LYPD6: variants seen among roughly 807,000 people sequenced by gnomAD.
LYPD6 encodes the protein ly6/PLAUR domain-containing protein 6.
LYPD6 carries 15 observed loss-of-function variants against 22.7 expected under a neutral mutation model. The ratio of observed to expected loss-of-function variants is 0.66; its 90% CI spans 0.44 to 1.02. The LOEUF (loss-of-function observed/expected upper bound fraction) is 1.02, where lower values mean the gene tolerates loss of function less well. Among genes scored for constraint, LYPD6 ranks in the 50% least tolerant of loss-of-function variants. The pLI, the probability that LYPD6 is intolerant of heterozygous loss-of-function variation, is 0.00. For synonymous variants in LYPD6, 72 were observed against 77.5 expected (o/e 0.93, Z 0.37); for missense variants, 189 against 208.4 (o/e 0.91, Z 0.57).
intron 2 of LYPD6, among the ~76,000 whole-genome samples, chr2:149,442,430 G>A (rs1046435139): frequency 7.2e-5 from 11 of 152,076 alleles, no homozygotes; most frequent in Non-Finnish European, 1.0e-4. Context: ...GCACTTTGGC[G>A]TTTCTTTTTT....
chr2:149,462,229 G>A (rs936968620), intron 3 of LYPD6, among the ~76,000 whole-genome samples: 2 of 151,892 alleles, frequency 1.3e-5, no homozygotes, highest in African/African-American at 4.8e-5. Flanking sequence ...ACTCAATTGT[G>A]TTTATGCTAT....
chr2:149,430,763 A>G (rs1294181492), intron 1 of LYPD6, among the ~76,000 whole-genome samples: 1 of 152,218 alleles, frequency 6.6e-6, no homozygotes, highest in African/African-American at 2.4e-5. Context: ...TTCTTAAGAT[A>G]GCTTCCAAAG....
chr2:149,459,849 C>T (rs1272500672), intron 3 of LYPD6, among the ~76,000 whole-genome samples: 1 of 151,256 alleles, frequency 6.6e-6, no homozygotes, highest in African/African-American at 2.4e-5. Context: ...TTACAGTGAG[C>T]CAAGATCACA....
chr2:149,423,051 A>G (rs1683114113), intron 1 of LYPD6, among the ~76,000 whole-genome samples: 1 of 152,148 alleles, frequency 6.6e-6, no homozygotes, highest in African/African-American at 2.4e-5. Flanking sequence ...TCTTTATAAA[A>G]TGTAATGGAT....
intron 1 of LYPD6, among the ~76,000 whole-genome samples, chr2:149,398,033 C>G (rs1201975823): frequency 6.6e-6 from 1 of 152,138 alleles, no homozygotes; most frequent in Non-Finnish European, 1.5e-5. Flanking sequence ...AAAGAGGGAA[C>G]ACGGTAAGAT....
At chr2:149,477,963 T>C (rs978053705), downstream of LYPD6, among the ~76,000 whole-genome samples, 10 of 152,174 alleles carry the variant, frequency 6.6e-5, no homozygotes, top group African/African-American at 2.2e-4. Flanking sequence ...AACTTGCCAA[T>C]AGACCTGTCC....
At chr2:149,441,799 T>C (rs1460391753) in intron 2 of LYPD6, among the ~76,000 whole-genome samples, 3 of 152,208 alleles carry the variant, frequency 2.0e-5, no homozygotes, top group South Asian at 4.1e-4. Flanking sequence ...GAGTTTAATA[T>C]ACTAAGTGGC....
intron 1 of LYPD6, among the ~76,000 whole-genome samples, chr2:149,403,632 GCCCTTTGTCAGAT>G (rs1682617358): frequency 6.7e-6 from 1 of 149,500 alleles, no homozygotes; most frequent in Admixed American, 6.7e-5. Context: ...CTGGATATTA[GCCCTTTGTCAGAT>G]GAGTAGGTTG....
intron 1 of LYPD6, among the ~76,000 whole-genome samples, chr2:149,393,854 A>G (rs1368542745): frequency 6.6e-6 from 1 of 152,178 alleles, no homozygotes; most frequent in East Asian, 1.9e-4. Context: ...ATTACCATCT[A>G]TTAGCTTTGA....
chr2:149,411,677 A>AATTAAGC (rs1411153092), intron 1 of LYPD6, among the ~76,000 whole-genome samples: 2 of 152,190 alleles, frequency 1.3e-5, no homozygotes, highest in Non-Finnish European at 2.9e-5. Flanking sequence ...GCTAGCATGG[A>AATTAAGC]ATTAAGCATA....
intron 2 of LYPD6, among the ~76,000 whole-genome samples, chr2:149,443,702 G>GT (rs1683617941): frequency 6.6e-6 from 1 of 151,890 alleles, no homozygotes; most frequent in South Asian, 2.1e-4. Context: ...TGGCTTTGGC[G>GT]TTTGAGAACC....
chr2:149,373,446 G>A (rs925623560), intron 1 of LYPD6, among the ~76,000 whole-genome samples: 3 of 152,156 alleles, frequency 2.0e-5, no homozygotes, highest in African/African-American at 4.8e-5. Context: ...TTCCAGGACT[G>A]TGTCCTGAGA....
At chr2:149,373,694 T>C (rs1196715) in intron 1 of LYPD6, among the ~76,000 whole-genome samples, 1 of 151,988 alleles carries the variant, frequency 6.6e-6, no homozygotes, top group African/African-American at 2.4e-5. Context: ...CTCAGCAAGA[T>C]TGGCTTATTT....
chr2:149,336,411 A>G (rs1444225503), intron 1 of LYPD6, among the ~76,000 whole-genome samples: 1 of 152,182 alleles, frequency 6.6e-6, no homozygotes, highest in African/African-American at 2.4e-5. Flanking sequence ...AAGAACATTT[A>G]TAGGAGATAG....
chr2:149,372,244 G>A (rs960999223), intron 1 of LYPD6, among the ~76,000 whole-genome samples: 1 of 152,188 alleles, frequency 6.6e-6, no homozygotes, highest in South Asian at 2.1e-4. Context: ...TAATACTTGC[G>A]ATACAACTCT....
intron 1 of LYPD6, among the ~76,000 whole-genome samples, chr2:149,349,597 A>G (rs540047928): frequency 1.3e-5 from 2 of 152,232 alleles, no homozygotes; most frequent in Non-Finnish European, 2.9e-5. Flanking sequence ...TCCAAGGATC[A>G]TGATATGCAA....
intron 3 of LYPD6, among the ~76,000 whole-genome samples, chr2:149,453,637 G>T (rs1680885024): frequency 6.6e-6 from 1 of 152,210 alleles, no homozygotes; most frequent in African/African-American, 2.4e-5. Context: ...CAGATTGGTT[G>T]CCTGATGGTT....
At chr2:149,410,909 A>G (rs1191756262) in intron 1 of LYPD6, among the ~76,000 whole-genome samples, 1 of 152,200 alleles carries the variant, frequency 6.6e-6, no homozygotes, top group Non-Finnish European at 1.5e-5. Context: ...TAGGAAAGTT[A>G]TGTGGCCTCA....
intron 1 of LYPD6, among the ~76,000 whole-genome samples, chr2:149,407,224 T>C (rs1682735816): frequency 1.3e-5 from 2 of 152,182 alleles, no homozygotes; most frequent in Non-Finnish European, 2.9e-5. Flanking sequence ...GAGTTGCTCT[T>C]CTGGAGGAGT....
Sources: allele counts gnomAD v4.1 joint callset (sites outside exome capture counted in the v4.1 genomes callset), GRCh38; gene constraint gnomAD v4.1.1; transcripts MANE v1.5; gene names NCBI Gene and HGNC (gene_info 2026-07-23, HGNC 2026-07-21).